DHRS7C: variants seen among roughly 807,000 people sequenced by gnomAD.
The protein encoded by DHRS7C is dehydrogenase/reductase SDR family member 7C.
A neutral mutation model predicts 29.6 loss-of-function variants in DHRS7C; 28 were observed. The observed-to-expected ratio is 0.95, with a 90% CI of 0.70 to 1.30. The LOEUF is 1.30. Among genes scored for constraint, DHRS7C ranks in the 50% most tolerant of loss-of-function variants. DHRS7C has a pLI of 0.00. For synonymous variants in DHRS7C, 158 were observed against 160.2 expected, an observed-to-expected ratio of 0.99 and a Z score of 0.10; for missense variants, 403 against 393.3, an observed-to-expected ratio of 1.02 and a Z score of -0.21.
chr17:9,780,032 A>G lies in DHRS7C; in HGVS notation c.271T>C (p.Phe91Leu), dbSNP rs2066384875. 6.2e-7 allele frequency: 1 copy of G among 1,613,400 alleles called. No individual in the cohort carries two copies. Among genetic ancestry groups the G allele is most frequent in the Non-Finnish European group, 8.5e-7 (1 of 1,179,746 alleles). The part of the protein sequence containing the change: ...LISVADPSKT[F>L]TPKLVLLDLS... ...TCCAACAGGACCAGCTTTGGGGTGA[A>G]TGTCTGCTGAACCAATGAGAGAGTC... Residue 91 changes from phenylalanine (F) to leucine (L), a missense_variant, in exon 3 of 6, where the codon TTC (phenylalanine) becomes CTC (leucine). Transcript: ENST00000571134.
intron 1 of DHRS7C, among the ~76,000 whole-genome samples, chr17:9,788,722 G>T (rs1441541957): frequency 3.9e-5 from 6 of 152,206 alleles, no homozygotes; most frequent in Admixed American, 3.9e-4. Context: ...TGCAGCGGCT[G>T]TGCACAGCCT....
chr17:9,772,732 C>T (rs1405465795), intron 5 of DHRS7C, 35 bp downstream of exon 5: 2 of 1,609,358 alleles, frequency 1.2e-6, no homozygotes, highest in Non-Finnish European at 1.7e-6. Flanking sequence ...GTTCCCGAGG[C>T]CCCCAGGGGC....
At chr17:9,772,072 C>T (rs988322174) in intron 5 of DHRS7C, among the ~76,000 whole-genome samples, 5 of 152,112 alleles carry the variant, frequency 3.3e-5, no homozygotes, top group African/African-American at 1.2e-4. Context: ...CTGGTCTGCC[C>T]CCCATCTTGG....
Position 9,779,290 on chromosome 17 carries a change from T to C in DHRS7C, c.478+535A>G, listed in dbSNP as rs1339377272. 4.6e-5 allele frequency among the ~76,000 whole-genome samples: 7 copies of C among 152,176 alleles called. 1 individual carries two copies. On this transcript the variant is annotated intron_variant, in intron 3 of 5. Transcript: ENST00000571134. Reference sequence around the variant, plus strand: ...ACAGGTTCACGTAGGAATCACCATCTTACTCATTAAAGGGAGACAGCCTCC... The same window carrying C: ...ACAGGTTCACGTAGGAATCACCATCCTACTCATTAAAGGGAGACAGCCTCC...
chr17:9,776,071 C>T (rs550781304), intron 4 of DHRS7C, among the ~76,000 whole-genome samples: 10 of 152,250 alleles, frequency 6.6e-5, no homozygotes, highest in East Asian at 3.9e-4. Flanking sequence ...GGTGTGGTGG[C>T]GTGTGCCTGT....
At chr17:9,772,357 C>T (rs1032521884) in intron 5 of DHRS7C, among the ~76,000 whole-genome samples, 2 of 152,198 alleles carry the variant, frequency 1.3e-5, no homozygotes, top group African/African-American at 4.8e-5. Flanking sequence ...CCCTCTAATA[C>T]ATGGCAGAGG....
At chr17:9,783,558 G>C (rs184926249) in intron 1 of DHRS7C, among the ~76,000 whole-genome samples, 1 of 152,202 alleles carries the variant, frequency 6.6e-6, no homozygotes, top group Non-Finnish European at 1.5e-5. Flanking sequence ...AAATTAAAGA[G>C]TTAGCAGTTC....
chr17:9,791,044 A>G (rs1597933383), intron 1 of DHRS7C, 87 bp downstream of exon 1: 2 of 1,488,990 alleles, frequency 1.3e-6, no homozygotes, highest in Non-Finnish European at 1.8e-6. Context: ...AGGTTTGCCC[A>G]CACAGCGCCC....
In DHRS7C at chr17:9,788,189, T is replaced by A. The variant is rs562864617; in HGVS notation, c.154+2942A>T. On this transcript the variant is annotated intron_variant, in intron 1 of 5. Coordinates refer to ENST00000571134, the MANE Select transcript of DHRS7C (RefSeq NM_001105571.3). ...CAGGGGTTGGCTATTCCGATAGCCA[T>A]TCTTTTTTTAAAATAAATAAATAAA... 3.3e-5 allele frequency among the ~76,000 whole-genome samples: 5 copies of A among 152,288 alleles called. No individual in the cohort carries two copies. The East Asian group carries it at 9.7e-4, about 29-fold the overall frequency.
chr17:9,773,794 G>A (rs923327451), intron 4 of DHRS7C, among the ~76,000 whole-genome samples: 8 of 137,798 alleles, frequency 5.8e-5, no homozygotes, highest in African/African-American at 2.0e-4. Context: ...GTGCGATCTC[G>A]GCTCACTGCA....
At chr17:9,781,624 A>G (rs757351223) in intron 1 of DHRS7C, 30 bp from the exon 2 acceptor site, 11 of 1,606,854 alleles carry the variant, frequency 6.8e-6, no homozygotes, top group Middle Eastern at 1.9e-4. Context: ...AGGGCAGGGC[A>G]CACTGTGTGG....
At chr17:9,786,876 CCA>C (rs1168480630) in intron 1 of DHRS7C, among the ~76,000 whole-genome samples, 1 of 152,182 alleles carries the variant, frequency 6.6e-6, no homozygotes, top group African/African-American at 2.4e-5. Flanking sequence ...TGGCCAATGC[CCA>C]CTGCTGAGAA....
At chr17:9,790,997 TG>T in intron 1 of DHRS7C, 133 bp downstream of exon 1, 1 of 1,096,702 alleles carries the variant, frequency 9.1e-7, no homozygotes, top group Non-Finnish European at 1.3e-6. Context: ...TGATAGAAGC[TG>T]GGAGAGAACA....
In DHRS7C at chr17:9,771,557, G is replaced by A. The variant is rs140949806; in HGVS notation, c.867C>T (p.Phe289=). 7.6e-4 allele frequency: 1,213 copies of A among 1,591,656 alleles called. 4 individuals are homozygous for A. The highest frequency in any genetic ancestry group is 1.4e-3 in the Admixed American group (78 of 57,514). Residue 289 remains phenylalanine (F), a synonymous_variant, in exon 6 of 6, where the codon TTC becomes TTT. Transcript: ENST00000571134. The part of the protein sequence containing the change: ...PKAAVYVRTF[F]PEFFFAVVAC... ...CCACCACGGCGAAAAAGAACTCCGG[G>A]AAGAAGGTGCGGACGTACACGGCGG...
In DHRS7C at chr17:9,779,975, C is replaced by T. The variant is rs1343521874; in HGVS notation, c.328G>A (p.Ala110Thr). ...LSDISCVPDV[A>T]KEVLDCYGCV... Reference sequence around the variant, plus strand: ...CCATAGCAATCCAGGACTTCTTTTGCCACATCTGGGACACAGCTGATGTCT... The same window carrying T: ...CCATAGCAATCCAGGACTTCTTTTGTCACATCTGGGACACAGCTGATGTCT... The change falls in exon 3 of 6, where the codon GCA becomes ACA. Residue 110 changes from alanine (A) to threonine (T), a missense_variant. Physicochemically the swap from Ala to Thr is moderately conservative, Grantham distance 58. Transcript: ENST00000571134. 2.5e-6 allele frequency: 4 copies of T among 1,613,858 alleles called. No individual in the cohort carries two copies. The highest frequency in any genetic ancestry group is 1.3e-5 in the African/African-American group (1 of 75,004).
chr17:9,780,097 G>T, intron 2 of DHRS7C, 62 bp from the exon 3 acceptor site: 1 of 1,479,134 alleles, frequency 6.8e-7, no homozygotes, highest in East Asian at 2.4e-5. Context: ...CAGACCTTGG[G>T]AGCCCTCGAT....
Position 9,775,051 on chromosome 17 carries a change from G to C in DHRS7C, c.572-2129C>G, listed in dbSNP as rs775172620. On this transcript the variant is annotated intron_variant, in intron 4 of 5. Transcript: ENST00000571134. This position sits in a 1 kb window ranked among gnomAD's most constrained non-coding sequence, Gnocchi z 4.2. The stretch of plus-strand genomic sequence containing the variant: ...GGAAACTCGTGCATTTGTCCTATAC[G>C]GGTCAGTGGCCAAAGCGCCCATTGT... 1.3e-5 allele frequency among the ~76,000 whole-genome samples: 2 copies of C among 152,102 alleles called. No homozygotes were observed. Among genetic ancestry groups the C allele is most frequent in the African/African-American group, 4.8e-5 (2 of 41,404 alleles).
intron 1 of DHRS7C, among the ~76,000 whole-genome samples, chr17:9,783,228 G>A (rs1597928438): frequency 6.6e-6 from 1 of 152,178 alleles, no homozygotes; most frequent in South Asian, 2.1e-4. Context: ...AGGGAAACCC[G>A]AATCCAGAAG....
chr17:9,772,794 C>T lies in DHRS7C; in HGVS notation c.700G>A (p.Gly234Arg). The part of the protein sequence containing the change: ...IRSYHVYPEQ[G>R]NWEASIWKFF... ...TTCCAAATGGAAGCTTCCCAGTTTCCTTGCTCTGGATACACGTGGTACGAC... is the reference window on the plus strand; with the variant it reads ...TTCCAAATGGAAGCTTCCCAGTTTCTTTGCTCTGGATACACGTGGTACGAC... Residue 234 changes from glycine (G) to arginine (R), a missense_variant, in exon 5 of 6, where the codon GGA becomes AGA. By Grantham distance (125) the Gly-to-Arg change is moderately radical (BLOSUM62 -2). Transcript: ENST00000571134. 3 of 1,613,902 alleles carry T rather than the reference C, an allele frequency of 1.9e-6. No individual in the cohort carries two copies. The highest frequency in any genetic ancestry group is 2.5e-6 in the Non-Finnish European group (3 of 1,179,850).
Sources: allele counts gnomAD v4.1 joint callset (sites outside exome capture counted in the v4.1 genomes callset), GRCh38; gene constraint gnomAD v4.1.1; non-coding constraint Gnocchi (gnomAD v3.1); transcripts MANE v1.5; gene names NCBI Gene and HGNC (gene_info 2026-07-23, HGNC 2026-07-21).